Variants in CCSER1 observed in about 807,000 individuals in gnomAD.
CCSER1 encodes the protein coiled-coil serine rich protein 1.
CCSER1 carries 41 observed loss-of-function variants against 82.0 expected under a neutral mutation model. The observed-to-expected ratio is 0.50, with a 90% CI of 0.39 to 0.65. The LOEUF (loss-of-function observed/expected upper bound fraction) is 0.65, where lower values mean the gene tolerates loss of function less well. Among genes scored for constraint, CCSER1 ranks in the 30% least tolerant of loss-of-function variants. The pLI, the probability that CCSER1 is intolerant of heterozygous loss-of-function variation, is 0.00. For missense variants in CCSER1, 1,119 were observed against 1,064.2 expected (o/e 1.05, Z -0.72); for synonymous variants, 414 against 383.9 (o/e 1.08, Z -0.92).
At chr4:90,781,947 G>C in intron 7 of CCSER1, 1 of 920,696 alleles carries the variant, frequency 1.1e-6, no homozygotes, top group Non-Finnish European at 1.3e-6. Context: ...TATGAACGCA[G>C]TGTATTAAAT....
chr4:90,411,007 A>T (rs1469837522), intron 4 of CCSER1, among the ~76,000 whole-genome samples: 2 of 152,242 alleles, frequency 1.3e-5, no homozygotes, highest in Non-Finnish European at 2.9e-5. Context: ...CTCTACACAA[A>T]TAAACTAGAA....
chr4:91,559,542 T>A lies in CCSER1; in HGVS notation c.2218-39030T>A, dbSNP rs1009135124. Among the ~76,000 whole-genome samples, 14 of 151,642 alleles carry A rather than the reference T, an allele frequency of 9.2e-5. No homozygotes were observed. In the South Asian group the frequency reaches 2.9e-3, roughly 31 times the overall value. On this transcript the variant is annotated intron_variant, in intron 10 of 10. Coordinates refer to ENST00000509176, the MANE Select transcript of CCSER1 (RefSeq NM_001145065.2). ...GTTTACTAATCCATCTGGCCATTTTTTTTGAATCCAGGGGAGTAGGGATGA... is the reference window on the plus strand; with the variant it reads ...GTTTACTAATCCATCTGGCCATTTTATTTGAATCCAGGGGAGTAGGGATGA...
intron 10 of CCSER1, among the ~76,000 whole-genome samples, chr4:91,239,015 AG>A (rs1429596258): frequency 2.6e-5 from 4 of 151,908 alleles, no homozygotes; most frequent in Admixed American, 2.0e-4. Context: ...TAGTAGAGAC[AG>A]GTTTTCACCA....
intron 7 of CCSER1, among the ~76,000 whole-genome samples, chr4:90,749,726 A>G (rs1172087231): frequency 6.6e-6 from 1 of 151,998 alleles, no homozygotes; most frequent in Non-Finnish European, 1.5e-5. Flanking sequence ...AGTCTTTGCT[A>G]TTGTGAATAG....
chr4:90,912,978 T>C (rs1049160874), intron 8 of CCSER1, among the ~76,000 whole-genome samples: 4 of 152,134 alleles, frequency 2.6e-5, no homozygotes, highest in Non-Finnish European at 4.4e-5. Flanking sequence ...CCAAGAAATA[T>C]GGGACTATGT....
At chr4:90,372,427 T>C (rs988691076) in intron 3 of CCSER1, among the ~76,000 whole-genome samples, 3 of 152,086 alleles carry the variant, frequency 2.0e-5, no homozygotes, top group African/African-American at 7.2e-5. Flanking sequence ...TATTGGAGCA[T>C]GGTGTGAGAG....
intron 1 of CCSER1, among the ~76,000 whole-genome samples, chr4:90,301,104 G>T (rs182576916): frequency 1.3e-5 from 2 of 152,196 alleles, no homozygotes; most frequent in South Asian, 4.1e-4. Context: ...GAAATGTTGG[G>T]ATTGACAGGC....
chr4:90,770,200 A>T (rs540615288), intron 7 of CCSER1, among the ~76,000 whole-genome samples: 2 of 152,306 alleles, frequency 1.3e-5, no homozygotes, highest in East Asian at 3.9e-4. Flanking sequence ...GGCCTACAGC[A>T]TGATTACAAC....
intron 10 of CCSER1, among the ~76,000 whole-genome samples, chr4:91,423,859 A>G (rs1236533660): frequency 6.6e-6 from 1 of 152,122 alleles, no homozygotes; most frequent in Non-Finnish European, 1.5e-5. Flanking sequence ...TTCAGAGGAG[A>G]CAGCAGGCAG....
At chr4:91,579,825 T>C (rs1763643630) in intron 10 of CCSER1, among the ~76,000 whole-genome samples, 1 of 151,860 alleles carries the variant, frequency 6.6e-6, no homozygotes, top group Non-Finnish European at 1.5e-5. Context: ...AAGCAGTCTT[T>C]ACTTTTCCTT....
intron 8 of CCSER1, among the ~76,000 whole-genome samples, chr4:90,878,360 T>G (rs1720688847): frequency 6.6e-6 from 1 of 152,166 alleles, no homozygotes; most frequent in Admixed American, 6.5e-5. Context: ...CTTTTAAAAT[T>G]TCCTGCTAAG....
chr4:90,562,457 C>G (rs1392842604), intron 5 of CCSER1, among the ~76,000 whole-genome samples: 2 of 152,024 alleles, frequency 1.3e-5, no homozygotes, highest in Non-Finnish European at 2.9e-5. Context: ...GTTCTTAACT[C>G]CATTAAAAAT....
At chr4:90,217,233 A>G (rs1023810245) in intron 1 of CCSER1, among the ~76,000 whole-genome samples, 4 of 151,978 alleles carry the variant, frequency 2.6e-5, no homozygotes, top group Non-Finnish European at 5.9e-5. Flanking sequence ...GTCTTGCTCC[A>G]TTTCCCAGGC....
intron 3 of CCSER1, among the ~76,000 whole-genome samples, chr4:90,340,085 A>G (rs72881640): frequency 0.019 from 2,933 of 152,154 alleles, 69 homozygotes; most frequent in African/African-American, 0.06. Flanking sequence ...TAAAAATTCC[A>G]TCTACTATTA....
rs528419604 is a variant in CCSER1, at chr4:91,205,338, T to C, written c.2217+119344T>C. 2.0e-5 allele frequency among the ~76,000 whole-genome samples: 3 copies of C among 151,980 alleles called. No individual in the cohort carries two copies. The South Asian group carries it at 6.2e-4, about 31-fold the overall frequency. The stretch of plus-strand genomic sequence containing the variant: ...CGAAATACGTGACCTCAATTATTGT[T>C]AATAAGTATCAGTTTCTTTGATATA... On this transcript the variant is annotated intron_variant, in intron 10 of 10. Coordinates refer to ENST00000509176, the MANE Select transcript of CCSER1 (RefSeq NM_001145065.2).
intron 10 of CCSER1, among the ~76,000 whole-genome samples, chr4:91,232,102 C>G (rs1175593328): frequency 1.3e-5 from 2 of 151,668 alleles, no homozygotes; most frequent in African/African-American, 4.8e-5. Flanking sequence ...ACTATTTTGG[C>G]AAGGATATAG....
Position 90,427,454 on chromosome 4 carries a change from A to T in CCSER1, c.1603+27325A>T, listed in dbSNP as rs151194010. On this transcript the variant is annotated intron_variant, in intron 4 of 10. Transcript: ENST00000509176. ...ATATGTTTTTAAAAAATTAATAAATATTATAAATATAAAAATTAGTAAAAG... is the reference window on the plus strand; with the variant it reads ...ATATGTTTTTAAAAAATTAATAAATTTTATAAATATAAAAATTAGTAAAAG... Among the ~76,000 whole-genome samples the T allele has an allele frequency of 7.2e-3, 1,093 of 151,274 alleles. 9 individuals carry two copies. Among genetic ancestry groups the T allele is most frequent in the South Asian group, 0.022 (105 of 4,824 alleles).
chr4:91,530,982 C>T (rs751719253), intron 10 of CCSER1, among the ~76,000 whole-genome samples: 10 of 151,800 alleles, frequency 6.6e-5, no homozygotes, highest in South Asian at 2.1e-4. Context: ...CCACTGCACC[C>T]GGCAAAAATT....
chr4:90,548,727 GATATATAT>G (rs60880201), intron 5 of CCSER1, among the ~76,000 whole-genome samples: 3 of 143,612 alleles, frequency 2.1e-5, no homozygotes, highest in African/African-American at 5.1e-5. Context: ...ATCATTTAAA[GATATATAT>G]ATATATATAT....
Sources: gnomAD v4.1 joint callset for allele counts (sites outside exome capture counted in the v4.1 genomes callset) on GRCh38, gnomAD v4.1.1 for gene constraint, MANE v1.5 for transcripts, NCBI Gene and HGNC (gene_info 2026-07-23, HGNC 2026-07-21) for gene names.